Variants in FBXO11 observed in about 807,000 individuals in gnomAD.
FBXO11 encodes the protein F-box only protein 11.
A neutral mutation model predicts 117.0 loss-of-function variants in FBXO11; 13 were observed. The observed-to-expected ratio is 0.11, with a 90% CI of 0.07 to 0.18. FBXO11 has a LOEUF of 0.18. Ranked by LOEUF, FBXO11 falls within the 10% of genes least tolerant of loss-of-function variation. The probability of loss-of-function intolerance (pLI) is 1.00; values close to 1 mark genes in which losing one functional copy is unlikely to be tolerated. For synonymous variants in FBXO11, 490 were observed against 380.5 expected, an observed-to-expected ratio of 1.29 and a Z score of -3.35; for missense variants, 767 against 1,164.4, an observed-to-expected ratio of 0.66 and a Z score of 4.97.
At chr2:47,881,123 G>A (rs1451211698) in intron 1 of FBXO11, among the ~76,000 whole-genome samples, 1 of 152,036 alleles carries the variant, frequency 6.6e-6, no homozygotes, top group Non-Finnish European at 1.5e-5. Flanking sequence ...TTAGTGGCGG[G>A]TGCCTGCAGT....
chr2:47,810,964 T>G (rs1013277352), intron 18 of FBXO11: 5 of 152,278 alleles, frequency 3.3e-5, no homozygotes, highest in African/African-American at 1.2e-4. Flanking sequence ...AATATCACCT[T>G]GCCTTTCAAA....
intron 1 of FBXO11, among the ~76,000 whole-genome samples, chr2:47,881,931 A>G (rs1209611911): frequency 6.6e-6 from 1 of 152,122 alleles, no homozygotes; most frequent in East Asian, 1.9e-4. Flanking sequence ...TATTTTTGGT[A>G]GAGACAGGGT....
chr2:47,834,468 T>C lies in FBXO11; in HGVS notation c.934+111A>G, dbSNP rs1377059193. ...ATATGTGTGATATCTTCATTCCTAC[T>C]TTACCAGCAGGATATTATAAAACTG... On this transcript the variant is annotated intron_variant, in intron 7 of 22. Transcript: ENST00000403359. 3.9e-6 allele frequency: 3 copies of C among 770,090 alleles called. No homozygotes were observed. The African/African-American group carries it at 5.4e-5, about 14-fold the overall frequency. 47.7% of individuals were successfully genotyped at this position (770,090 alleles called of 1,614,324 possible). A position where few individuals can be genotyped will look rare whatever the true frequency, so the allele number is the denominator to read the frequency against.
chr2:47,882,740 C>G (rs1205917899), intron 1 of FBXO11, among the ~76,000 whole-genome samples: 3 of 152,170 alleles, frequency 2.0e-5, no homozygotes, highest in African/African-American at 7.2e-5. Flanking sequence ...CAATCTCTGC[C>G]TGCTTGGCTC....
intron 1 of FBXO11, among the ~76,000 whole-genome samples, chr2:47,863,572 G>C (rs1214622748): frequency 2.0e-5 from 3 of 152,134 alleles, no homozygotes; most frequent in Non-Finnish European, 2.9e-5. Flanking sequence ...GTTTCCCCTA[G>C]TTCTCACTAG....
At chr2:47,852,666 GATA>G (rs1474774151) in intron 1 of FBXO11, among the ~76,000 whole-genome samples, 1 of 152,182 alleles carries the variant, frequency 6.6e-6, no homozygotes, top group Non-Finnish European at 1.5e-5. Flanking sequence ...GATGATGGAT[GATA>G]ATAATGATAG....
chr2:47,814,454 C>G (rs1201147570), intron 16 of FBXO11, among the ~76,000 whole-genome samples: 1 of 147,166 alleles, frequency 6.8e-6, no homozygotes, highest in Non-Finnish European at 1.5e-5. Flanking sequence ...TCATAGCTCA[C>G]TGCAGCCTCG....
intron 4 of FBXO11, 50 bp from the exon 5 acceptor site, chr2:47,836,051 T>G: frequency 7.2e-7 from 1 of 1,385,286 alleles, no homozygotes; most frequent in Non-Finnish European, 9.9e-7. Flanking sequence ...TCCTTTAGAT[T>G]AATACAGTTT....
In FBXO11 at chr2:47,807,194, C is replaced by T; in HGVS notation, c.*924G>A. On this transcript the variant is annotated 3_prime_UTR_variant, in exon 23 of 23. Transcript: ENST00000403359. ...TTAATGCAGGAAATTGGTTTAATTT[C>T]CAGCAGTTTTGTCTAAACTGTTCAA... 3.7e-6 allele frequency: 1 copy of T among 268,602 alleles called. No individual in the cohort carries two copies. Among genetic ancestry groups the T allele is most frequent in the Non-Finnish European group, 7.1e-6 (1 of 140,344 alleles). The allele number at this position is 268,602 out of a possible 1,614,324, so 16.6% of individuals were successfully genotyped here.
chr2:47,813,236 C>T lies in FBXO11; in HGVS notation c.2225G>A (p.Arg742Gln), dbSNP rs1670749642. 1 of 1,613,190 alleles carries T rather than the reference C, an allele frequency of 6.2e-7. No individual in the cohort carries two copies. Among genetic ancestry groups the T allele is most frequent in the African/African-American group, 1.3e-5 (1 of 74,830 alleles). The change falls in exon 18 of 23, where the codon CGA becomes CAA. Residue 742 changes from arginine (R) to glutamine (Q), a missense_variant and splice_region_variant. Transcript: ENST00000403359. ...DGGICIFNGG[R>Q]GLLEENDIFR... is the part of the protein sequence containing the mutation. Reference sequence around the variant, plus strand: ...TAATGCAAAATTAACAACAATACCTCGACCCCCATTAAATATACAGATGCC... The same window carrying T: ...TAATGCAAAATTAACAACAATACCTTGACCCCCATTAAATATACAGATGCC...
Position 47,809,270 on chromosome 2 carries a change from TAATAA to T in FBXO11, c.2447-9_2447-5del, listed in dbSNP as rs773286292. ...TGATTGTTCATTATTTTGTTATCTG[TAATAA>T]AAGAAAGAATAAGTAAAAATTCAGA... is the stretch of plus-strand genomic sequence containing the variant. On this transcript the variant is annotated splice_polypyrimidine_tract_variant and splice_region_variant and intron_variant, in intron 20 of 22. Coordinates refer to ENST00000403359, the MANE Select transcript of FBXO11 (RefSeq NM_001190274.2). 1.3e-5 allele frequency: 20 copies of T among 1,517,778 alleles called. No individual in the cohort carries two copies. Among genetic ancestry groups the T allele is most frequent in the Non-Finnish European group, 1.8e-5 (20 of 1,106,928 alleles). The allele number at this position is 1,517,778 out of a possible 1,614,324, so 94.0% of individuals were successfully genotyped here.
intron 1 of FBXO11, among the ~76,000 whole-genome samples, chr2:47,844,174 T>C (rs1056548935): frequency 1.3e-4 from 20 of 152,242 alleles, no homozygotes; most frequent in African/African-American, 4.6e-4. Context: ...TAAAAGTTAA[T>C]TTTTTCCAAG....
chr2:47,858,710 A>G (rs1186852574), intron 1 of FBXO11, among the ~76,000 whole-genome samples: 4 of 150,960 alleles, frequency 2.6e-5, no homozygotes, highest in Admixed American at 6.6e-5. Context: ...AGAAAAGAAA[A>G]ATGAAAAACA....
intron 1 of FBXO11, among the ~76,000 whole-genome samples, chr2:47,842,596 A>G (rs1029994208): frequency 6.6e-6 from 1 of 151,844 alleles, no homozygotes; most frequent in Non-Finnish European, 1.5e-5. Context: ...TTTCTCATCT[A>G]TTAAAGATAA....
intron 1 of FBXO11, among the ~76,000 whole-genome samples, chr2:47,900,307 A>C (rs1678009438): frequency 6.6e-6 from 1 of 152,100 alleles, no homozygotes; most frequent in Non-Finnish European, 1.5e-5. Context: ...AGGGTTAGCC[A>C]CCAGATGACA....
chr2:47,876,603 G>C (rs1387554615), intron 1 of FBXO11, among the ~76,000 whole-genome samples: 1 of 152,176 alleles, frequency 6.6e-6, no homozygotes, highest in Non-Finnish European at 1.5e-5. Flanking sequence ...CACTGTTCTG[G>C]TAAATACGTT....
intron 19 of FBXO11, chr2:47,810,079 CAATA>C (rs1191866271): frequency 2.0e-6 from 1 of 500,876 alleles, no homozygotes; most frequent in Non-Finnish European, 3.5e-6. Flanking sequence ...TATTCTATCC[CAATA>C]AATGTTTCAT....
At chr2:47,821,860 G>A (rs1671414342) in intron 13 of FBXO11, among the ~76,000 whole-genome samples, 1 of 152,036 alleles carries the variant, frequency 6.6e-6, no homozygotes, top group African/African-American at 2.4e-5. Context: ...GGGAGACCAA[G>A]GCGGGAAGAT....
intron 1 of FBXO11, among the ~76,000 whole-genome samples, chr2:47,862,714 C>G (rs1674870752): frequency 6.6e-6 from 1 of 152,094 alleles, no homozygotes; most frequent in Admixed American, 6.5e-5. Flanking sequence ...TGTATAATAA[C>G]TATAACAAAT....
Sources: allele counts gnomAD v4.1 joint callset (sites outside exome capture counted in the v4.1 genomes callset), GRCh38; gene constraint gnomAD v4.1.1; transcripts MANE v1.5; gene names NCBI Gene and HGNC (gene_info 2026-07-23, HGNC 2026-07-21).